CARNMT1: variants seen among roughly 807,000 people sequenced by gnomAD.
CARNMT1 encodes the protein carnosine N-methyltransferase 1.
CARNMT1 carries 28 observed loss-of-function variants against 49.6 expected under a neutral mutation model. The ratio of observed to expected loss-of-function variants is 0.56; its 90% confidence interval spans 0.42 to 0.77. CARNMT1 has a LOEUF of 0.77. Ranked by LOEUF, CARNMT1 falls within the 30% of genes least tolerant of loss-of-function variation. CARNMT1 has a pLI of 0.00. For missense variants in CARNMT1, 421 were observed against 512.6 expected (o/e 0.82, Z 1.73); for synonymous variants, 178 against 175.0 (o/e 1.02, Z -0.13).
chr9:74,995,046 C>G (rs773206175), intron 6 of CARNMT1, among the ~76,000 whole-genome samples: 4 of 151,832 alleles, frequency 2.6e-5, no homozygotes, highest in Admixed American at 6.6e-5. Context: ...ATAAAATATT[C>G]ATAAACCAAT....
At chr9:75,026,821 T>C (rs1045315581) in intron 1 of CARNMT1, among the ~76,000 whole-genome samples, 1 of 152,224 alleles carries the variant, frequency 6.6e-6, no homozygotes, top group Non-Finnish European at 1.5e-5. Flanking sequence ...TGACAGACTA[T>C]TTGGGAATGA....
At chr9:74,984,166 C>T (rs1832757551) in intron 7 of CARNMT1, among the ~76,000 whole-genome samples, 1 of 152,086 alleles carries the variant, frequency 6.6e-6, no homozygotes, top group South Asian at 2.1e-4. Flanking sequence ...AAATGGAATG[C>T]TTCTAAATAA....
chr9:75,024,673 C>T (rs1822472371), intron 1 of CARNMT1, among the ~76,000 whole-genome samples: 1 of 152,244 alleles, frequency 6.6e-6, no homozygotes, highest in African/African-American at 2.4e-5. Context: ...AAATATTAAT[C>T]AAAAGACATT....
rs560674634 is a variant in CARNMT1, at chr9:74,989,461, T to G, written c.1025-4451A>C. ...GCATATTTATGTTGTACAGCCTATT[T>G]CATTGCTGGGTAGTTTTCTCTTTGT... On this transcript the variant is annotated intron_variant, in intron 6 of 7. Transcript: ENST00000376834. 4.5e-4 allele frequency among the ~76,000 whole-genome samples: 68 copies of G among 152,314 alleles called. 3 individuals are homozygous for G. In the South Asian group the frequency reaches 0.014, roughly 32 times the overall value.
chr9:74,999,272 G>A (rs890764271), intron 4 of CARNMT1, among the ~76,000 whole-genome samples: 23 of 152,064 alleles, frequency 1.5e-4, no homozygotes, highest in Non-Finnish European at 2.9e-4. Context: ...TCCAAAAGAG[G>A]CCACAGAAGT....
At position 75,028,231 on chromosome 9, in the gene CARNMT1, C is replaced by T; in HGVS notation, c.11G>A (p.Arg4Gln). ...GGAGGTGGGCGGCGGAGGGCGACGC[C>T]GTCGCTGCATCGCCGCCGCGGCCCT... MQRRRRPPPPTSRL... is the reference protein window; with the variant it reads MQRQRRPPPPTSRL... The change falls in exon 1 of 8, where the codon CGG becomes CAG. Residue 4 changes from arginine to glutamine, a missense_variant. Arg to Gln is a conservative substitution (Grantham distance 43). Around this residue, in one of 2 missense-constraint regions of CARNMT1, gnomAD observed 186 missense variants for 167.9 expected, o/e 1.11. Coordinates refer to ENST00000376834, the MANE Select transcript of CARNMT1 (RefSeq NM_152420.3). The T allele has an allele frequency of 7.2e-7, 1 of 1,390,922 alleles. No homozygotes were observed. Among genetic ancestry groups the T allele is most frequent in the Non-Finnish European group, 9.3e-7 (1 of 1,076,124 alleles). 86.2% of individuals were successfully genotyped at this position (1,390,922 alleles called of 1,614,324 possible). A position where few individuals can be genotyped will look rare whatever the true frequency, so the allele number is the denominator to read the frequency against.
intron 1 of CARNMT1, among the ~76,000 whole-genome samples, chr9:75,025,371 C>A (rs1430613026): frequency 1.3e-5 from 2 of 152,180 alleles, no homozygotes; most frequent in Non-Finnish European, 2.9e-5. Flanking sequence ...CAGGAAGTGG[C>A]TACAAAATTA....
chr9:74,996,344 A>G (rs2118780248), intron 6 of CARNMT1, 103 bp downstream of exon 6: 1 of 642,886 alleles, frequency 1.6e-6, no homozygotes, highest in Middle Eastern at 4.2e-4. Context: ...TTTACAACAT[A>G]ATTCTAATGT....
intron 3 of CARNMT1, among the ~76,000 whole-genome samples, chr9:75,001,427 C>G (rs1833352519): frequency 6.6e-6 from 1 of 152,154 alleles, no homozygotes; most frequent in South Asian, 2.1e-4. Context: ...AACCTAATGG[C>G]AGAAAATATA....
chr9:75,011,615 A>G (rs1169685593), intron 3 of CARNMT1, among the ~76,000 whole-genome samples: 1 of 152,110 alleles, frequency 6.6e-6, no homozygotes, highest in Non-Finnish European at 1.5e-5. Flanking sequence ...TGATTCTCCC[A>G]TCTCAGTCTC....
chr9:75,020,313 G>C (rs924273990), intron 1 of CARNMT1, among the ~76,000 whole-genome samples: 16 of 137,738 alleles, frequency 1.2e-4, no homozygotes, highest in South Asian at 4.6e-4. Flanking sequence ...TGTTGCCCAG[G>C]CTGGAATGCA....
At chr9:74,993,701 T>C (rs1008747457) in intron 6 of CARNMT1, among the ~76,000 whole-genome samples, 45 of 148,074 alleles carry the variant, frequency 3.0e-4, no homozygotes, top group African/African-American at 1.1e-3. Flanking sequence ...TTGTCAAAAC[T>C]GGGAGGTACT....
In CARNMT1 at chr9:75,028,021, C is replaced by T; in HGVS notation, c.221G>A (p.Arg74His). 6.4e-7 allele frequency: 1 copy of T among 1,570,008 alleles called. No homozygotes were observed. Among genetic ancestry groups the T allele is most frequent in the Non-Finnish European group, 8.6e-7 (1 of 1,161,084 alleles). ...EHFWKIINAFRYYGTSMHERV... is the reference protein window; with the variant it reads ...EHFWKIINAFHYYGTSMHERV... ...GCCACGGGCTCCTTACCCGTAGTAG[C>T]GGAAGGCATTAATGATCTTCCAGAA... Residue 74 changes from arginine (R) to histidine (H), a missense_variant, in exon 1 of 8, where the codon CGC (arginine) becomes CAC (histidine). Arg to His is a conservative substitution (Grantham distance 29, BLOSUM62 0). This residue lies in a region of CARNMT1 where 186 missense variants were observed against 167.9 expected (regional missense o/e 1.11). Transcript: ENST00000376834.
At chr9:74,991,924 T>C (rs2118766614) in intron 6 of CARNMT1, among the ~76,000 whole-genome samples, 1 of 152,246 alleles carries the variant, frequency 6.6e-6, no homozygotes. Context: ...ACTACTATAA[T>C]GAGGAAAGGG....
Position 75,016,334 on chromosome 9 carries a change from G to A in CARNMT1, c.524C>T (p.Ala175Val), listed in dbSNP as rs541087984. The A allele has an allele frequency of 6.2e-7, 1 of 1,613,960 alleles. No homozygotes were observed. The highest frequency in any genetic ancestry group is 1.3e-5 in the African/African-American group (1 of 75,004). Residue 175 changes from alanine to valine, a missense_variant, in exon 3 of 8, where the codon GCA becomes GTA. Physicochemically the swap from Ala to Val is moderately conservative, Grantham distance 64. Coordinates refer to ENST00000376834, the MANE Select transcript of CARNMT1 (RefSeq NM_152420.3). ...TGGCTGGTAACAGGCATCCCTTTCT[G>A]CTTTCCCAGTTTCACTCCAGTCTCT... ...FVRDWSETGK[A>V]ERDACYQPII... is the part of the protein sequence containing the mutation.
chr9:75,027,364 A>G, intron 1 of CARNMT1: 3 of 928,802 alleles, frequency 3.2e-6, no homozygotes, highest in Non-Finnish European at 3.9e-6. Context: ...TCTTATTGTG[A>G]CTTCTCTCAT....
intron 1 of CARNMT1, among the ~76,000 whole-genome samples, chr9:75,026,034 C>T (rs931674293): frequency 6.6e-6 from 1 of 152,178 alleles, no homozygotes; most frequent in African/African-American, 2.4e-5. Context: ...GCTACATAAA[C>T]TTTCTGTACC....
chr9:74,984,233 TAAA>T (rs1169175466), intron 7 of CARNMT1, among the ~76,000 whole-genome samples: 1 of 152,210 alleles, frequency 6.6e-6, no homozygotes, highest in Admixed American at 6.5e-5. Flanking sequence ...TGCACATGAT[TAAA>T]AAAAGATGAA....
chr9:75,014,978 G>C lies in CARNMT1; in HGVS notation c.590+1290C>G, dbSNP rs148058282. 5.0e-3 allele frequency among the ~76,000 whole-genome samples: 754 copies of C among 152,286 alleles called. 2 individuals carry two copies. The highest frequency in any genetic ancestry group is 0.017 in the African/African-American group (716 of 41,544). Reference sequence around the variant, plus strand: ...TGTCAATCAATACGGAGGCAAAGGAGAGGAGGAAAAGGAGCCTCTCTAAAA... The same window carrying C: ...TGTCAATCAATACGGAGGCAAAGGACAGGAGGAAAAGGAGCCTCTCTAAAA... On this transcript the variant is annotated intron_variant, in intron 3 of 7. Transcript: ENST00000376834.
Sources: allele counts gnomAD v4.1 joint callset (sites outside exome capture counted in the v4.1 genomes callset), GRCh38; gene constraint gnomAD v4.1.1; regional missense constraint gnomAD v4.1.1; transcripts MANE v1.5; gene names NCBI Gene and HGNC (gene_info 2026-07-23, HGNC 2026-07-21).